The following ANKRD55 variants were observed in gnomAD, a reference collection of about 807,000 sequenced individuals.
The protein encoded by ANKRD55 is ankyrin repeat domain-containing protein 55.
ANKRD55 carries 41 observed loss-of-function variants against 60.6 expected under a neutral mutation model. The observed-to-expected ratio is 0.68, with a 90% confidence interval of 0.53 to 0.88. ANKRD55 has a LOEUF of 0.88. ANKRD55 is among the 40% of genes least tolerant of loss of function. The probability of loss-of-function intolerance (pLI) is 0.00; values close to 1 mark genes in which losing one functional copy is unlikely to be tolerated. For synonymous variants in ANKRD55, 264 were observed against 290.3 expected, an observed-to-expected ratio of 0.91 and a Z score of 0.92; for missense variants, 732 against 767.6, an observed-to-expected ratio of 0.95 and a Z score of 0.55.
chr5:56,116,173 A>G (rs1295617580), intron 9 of ANKRD55, among the ~76,000 whole-genome samples: 2 of 152,148 alleles, frequency 1.3e-5, no homozygotes, highest in African/African-American at 4.8e-5. Context: ...TTAATTTCTA[A>G]TGCCATAAAT....
Position 56,131,653 on chromosome 5 carries a change from G to A in ANKRD55, c.613-4547C>T, listed in dbSNP as rs192652528. ...TCTGCTAAAAATACAAAAATTAGCC[G>A]GGTGTGGTGGTGCGTGCCTGTGATC... On this transcript the variant is annotated intron_variant, in intron 7 of 11. Coordinates refer to ENST00000341048, the MANE Select transcript of ANKRD55 (RefSeq NM_024669.3). 1.2e-3 allele frequency among the ~76,000 whole-genome samples: 188 copies of A among 151,690 alleles called. No homozygotes were observed. In the East Asian group the frequency reaches 0.029, roughly 23 times the overall value.
At position 56,127,190 on chromosome 5, in the gene ANKRD55, GA is replaced by G. The variant is rs1249095306; in HGVS notation, c.613-85del. ...GGCATGTTAAGATAAAAATACAAAG[GA>G]AAAAAAGGAAAGAAAGAAAGAAAGA... On this transcript the variant is annotated intron_variant, in intron 7 of 11. Transcript: ENST00000341048. 15 of 1,317,220 alleles carry G rather than the reference GA, an allele frequency of 1.1e-5. No individual in the cohort carries two copies. The South Asian group carries it at 2.4e-4, about 21-fold the overall frequency. 81.6% of individuals were successfully genotyped at this position (1,317,220 alleles called of 1,614,324 possible). A position where few individuals can be genotyped will look rare whatever the true frequency, so the allele number is the denominator to read the frequency against.
At chr5:56,146,157 G>A (rs1479822804) in intron 6 of ANKRD55, among the ~76,000 whole-genome samples, 2 of 152,274 alleles carry the variant, frequency 1.3e-5, no homozygotes, top group African/African-American at 4.8e-5. Flanking sequence ...AGTTACTGGA[G>A]CGTAAGTTGC....
intron 6 of ANKRD55, among the ~76,000 whole-genome samples, chr5:56,147,874 T>G (rs1304780842): frequency 6.6e-6 from 1 of 152,230 alleles, no homozygotes; most frequent in Non-Finnish European, 1.5e-5. Context: ...AACTGCTTCC[T>G]TCTCCTTTCT....
chr5:56,229,603 G>A (rs955932070), intron 2 of ANKRD55, among the ~76,000 whole-genome samples: 3 of 152,194 alleles, frequency 2.0e-5, no homozygotes, highest in South Asian at 2.1e-4. Flanking sequence ...TTGAGCAAAT[G>A]ACCATCTGTC....
intron 2 of ANKRD55, among the ~76,000 whole-genome samples, chr5:56,202,038 G>T (rs927367710): frequency 2.6e-5 from 4 of 152,138 alleles, no homozygotes; most frequent in African/African-American, 9.7e-5. Flanking sequence ...GCAAACTAAT[G>T]CAGGAACAGA....
intron 5 of ANKRD55, among the ~76,000 whole-genome samples, chr5:56,164,316 G>T (rs949387128): frequency 1.3e-5 from 2 of 152,030 alleles, no homozygotes; most frequent in South Asian, 4.2e-4. Flanking sequence ...CGCAGTGACA[G>T]GTGGGAAAAA....
At chr5:56,109,023 G>A (rs1322726960) in intron 10 of ANKRD55, among the ~76,000 whole-genome samples, 1 of 146,124 alleles carries the variant, frequency 6.8e-6, no homozygotes, top group Non-Finnish European at 1.5e-5. Flanking sequence ...GGTGACAAGT[G>A]AGACTCTGTC....
At chr5:56,197,109 C>T (rs752309851) in intron 2 of ANKRD55, among the ~76,000 whole-genome samples, 1 of 151,990 alleles carries the variant, frequency 6.6e-6, no homozygotes, top group Non-Finnish European at 1.5e-5. Context: ...GATTACTGCC[C>T]CATTATTAAG....
At chr5:56,184,968 C>T (rs1218622296) in intron 2 of ANKRD55, among the ~76,000 whole-genome samples, 1 of 151,470 alleles carries the variant, frequency 6.6e-6, no homozygotes, top group Non-Finnish European at 1.5e-5. Flanking sequence ...TGCCTGTAAT[C>T]CCAGCACTGT....
intron 2 of ANKRD55, among the ~76,000 whole-genome samples, chr5:56,230,676 A>G (rs1760231998): frequency 6.6e-6 from 1 of 152,186 alleles, no homozygotes; most frequent in Admixed American, 6.5e-5. Flanking sequence ...AAGAGGAAGG[A>G]TTAATGGGTA....
Position 56,225,692 on chromosome 5 carries a change from A to G in ANKRD55, c.58+7164T>C, listed in dbSNP as rs1057213122. On this transcript the variant is annotated intron_variant, in intron 2 of 11. Coordinates refer to ENST00000341048, the MANE Select transcript of ANKRD55 (RefSeq NM_024669.3). ...ACAAGCATTCTTATACACCAACAAC[A>G]GACAAACAGAGAGCCAAATCATGAG... is the stretch of plus-strand genomic sequence containing the variant. Among the ~76,000 whole-genome samples the G allele has an allele frequency of 2.0e-5, 3 of 152,246 alleles. No individual in the cohort carries two copies. The East Asian group carries it at 5.8e-4, about 29-fold the overall frequency.
At chr5:56,110,952 GAAATCTC>G in intron 10 of ANKRD55, 159 bp downstream of exon 10, 1 of 753,970 alleles carries the variant, frequency 1.3e-6, no homozygotes, top group Non-Finnish European at 2.1e-6. Flanking sequence ...TCACAGCTCA[GAAATCTC>G]AAATCCAGTG....
rs58740295 is a variant in ANKRD55, at chr5:56,166,158, T to TTCCTTCCTTCCTTCC, written c.422+4535_422+4536insGGAAGGAAGGAAGGA. 8.6e-4 allele frequency among the ~76,000 whole-genome samples: 62 copies of TTCCTTCCTTCCTTCC among 72,456 alleles called. 3 individuals are homozygous for TTCCTTCCTTCCTTCC. Among genetic ancestry groups the TTCCTTCCTTCCTTCC allele is most frequent in the Admixed American group, 1.3e-3 (9 of 6,794 alleles). The allele number at this position is 72,456 out of a possible 152,430, so 47.5% of individuals were successfully genotyped here. A position where few individuals can be genotyped will look rare whatever the true frequency, so the allele number is the denominator to read the frequency against. ...TCTTTCTTTCTTTCTTTCTTTCTTCTTTCCTTCCTTCCTTCCTTCCTTCCT... is the reference window on the plus strand; with the variant it reads ...TCTTTCTTTCTTTCTTTCTTTCTTCTTCCTTCCTTCCTTCCTTCCTTCCTTCCTTCCTTCCTTCCT... On this transcript the variant is annotated intron_variant, in intron 5 of 11. Transcript: ENST00000341048.
At chr5:56,143,040 G>A (rs1348838426) in intron 7 of ANKRD55, among the ~76,000 whole-genome samples, 2 of 152,154 alleles carry the variant, frequency 1.3e-5, no homozygotes, top group African/African-American at 2.4e-5. Flanking sequence ...CCACAGTCAG[G>A]GCAGCAGAAA....
chr5:56,212,426 A>G (rs1179570478), intron 2 of ANKRD55, among the ~76,000 whole-genome samples: 1 of 152,228 alleles, frequency 6.6e-6, no homozygotes, highest in Non-Finnish European at 1.5e-5. Flanking sequence ...AAGGGAAGAA[A>G]TAAGACAAAT....
rs114841976 is a variant in ANKRD55, at chr5:56,191,691, G to A, written c.59-8057C>T. Among the ~76,000 whole-genome samples the A allele has an allele frequency of 3.0e-3, 460 of 152,294 alleles. 4 individuals carry two copies. Among genetic ancestry groups the A allele is most frequent in the African/African-American group, 0.011 (439 of 41,556 alleles). On this transcript the variant is annotated intron_variant, in intron 2 of 11. Transcript: ENST00000341048. ...GCTAGATGACCACCAAACCTGTTTA[G>A]AAGGAATTTAGACATAAAGTGAAGC...
At chr5:56,142,701 A>G (rs1436729667) in intron 7 of ANKRD55, among the ~76,000 whole-genome samples, 1 of 152,202 alleles carries the variant, frequency 6.6e-6, no homozygotes, top group Non-Finnish European at 1.5e-5. Context: ...CCACCGCTAC[A>G]GTGGTGACCC....
At chr5:56,167,270 A>G (rs1758505123) in intron 5 of ANKRD55, among the ~76,000 whole-genome samples, 1 of 152,250 alleles carries the variant, frequency 6.6e-6, no homozygotes. Context: ...GGTAGAGCCT[A>G]TTGCTTCTAG....
Sources: allele counts gnomAD v4.1 joint callset (sites outside exome capture counted in the v4.1 genomes callset), GRCh38; gene constraint gnomAD v4.1.1; transcripts MANE v1.5; gene names NCBI Gene and HGNC (gene_info 2026-07-23, HGNC 2026-07-21).